ZNF600: variants seen among roughly 807,000 people sequenced by gnomAD.
The protein encoded by ZNF600 is zinc finger protein 600.
In ZNF600, 4 loss-of-function variants were observed where a neutral mutation model predicts 7.3. The ratio of observed to expected loss-of-function variants is 0.55; its 90% CI spans 0.27 to 1.25. ZNF600 has a LOEUF of 1.25. Ranked by LOEUF, ZNF600 falls within the 50% of genes most tolerant of loss-of-function variation. The probability of loss-of-function intolerance (pLI) is 0.12; values close to 1 mark genes in which losing one functional copy is unlikely to be tolerated. For missense variants in ZNF600, 911 were observed against 922.1 expected, an observed-to-expected ratio of 0.99 and a Z score of 0.16; for synonymous variants, 290 against 308.9, an observed-to-expected ratio of 0.94 and a Z score of 0.64.
Position 52,766,950 on chromosome 19 carries a change from G to C in ZNF600, c.1013C>G (p.Thr338Ser), listed in dbSNP as rs369321910. 27 of 1,613,926 alleles carry C rather than the reference G, an allele frequency of 1.7e-5. No individual in the cohort carries two copies. In the Middle Eastern group the frequency reaches 4.9e-4, roughly 30 times the overall value. Reference sequence around the variant, plus strand: ...ATTACACTTGTAAGGTTTTTCTCCAGTATGAATTGCCTTATGAATTACAAG... The same window carrying C: ...ATTACACTTGTAAGGTTTTTCTCCACTATGAATTGCCTTATGAATTACAAG... Residue 338 changes from threonine (T) to serine (S), a missense_variant, in exon 4 of 4, where the codon ACT becomes AGT. Thr to Ser is a moderately conservative substitution (Grantham distance 58). Transcript: ENST00000648973.
chr19:52,774,781 TA>T (rs1298487847), intron 2 of ZNF600, 80 bp from the exon 5 acceptor site: 5 of 985,202 alleles, frequency 5.1e-6, no homozygotes, highest in Non-Finnish European at 6.0e-6. Flanking sequence ...AAAGAGAAAA[TA>T]AGTATTTGAT....
intron 3 of ZNF600, among the ~76,000 whole-genome samples, chr19:52,772,307 T>TA (rs1373415658): frequency 6.6e-6 from 1 of 151,694 alleles, no homozygotes. Context: ...AAACTCCATT[T>TA]AAAAAACAAA....
the ZNF600 span, among the ~76,000 whole-genome samples, chr19:52,802,631 C>A: frequency 6.6e-6 from 1 of 150,782 alleles, no homozygotes; most frequent in Admixed American, 6.6e-5. Context: ...GAGTTGAGAT[C>A]GCACCACTGC....
chr19:52,810,380 T>C, the ZNF600 span: 1 of 1,605,008 alleles, frequency 6.2e-7, no homozygotes, highest in Non-Finnish European at 8.5e-7. Flanking sequence ...ATGGCTGTGG[T>C]TCAGTCAACC....
At chr19:52,821,272 A>G in the ZNF600 span, among the ~76,000 whole-genome samples, 7,692 of 152,154 alleles carry the variant, frequency 0.051, 238 homozygotes, top group African/African-American at 0.09. Flanking sequence ...ACAGGGTGGG[A>G]ATACACCTCT....
intron 3 of ZNF600, among the ~76,000 whole-genome samples, chr19:52,770,126 T>C (rs1600379222): frequency 6.6e-6 from 1 of 152,106 alleles, no homozygotes; most frequent in East Asian, 1.9e-4. Context: ...GTCAAGAAAA[T>C]ACACAGCATT....
exon 4 of ZNF600, chr19:52,764,632 C>G (rs1270003673): frequency 1.3e-5 from 2 of 151,814 alleles, no homozygotes; most frequent in East Asian, 3.9e-4. Context: ...ATTCTCCTGC[C>G]TCAGCCTCCC....
chr19:52,810,953 G>T, the ZNF600 span, among the ~76,000 whole-genome samples: 52 of 131,412 alleles, frequency 4.0e-4, no homozygotes, highest in Non-Finnish European at 7.7e-4. Flanking sequence ...AAAGCTGGAC[G>T]GTACTGCTGC....
At chr19:52,774,511 A>C (rs1426242434) in intron 3 of ZNF600, 64 bp downstream of exon 5, 1 of 984,702 alleles carries the variant, frequency 1.0e-6, no homozygotes, top group Non-Finnish European at 1.2e-6. Flanking sequence ...AGAACACAAA[A>C]CCAGGAAGGG....
the ZNF600 span, among the ~76,000 whole-genome samples, chr19:52,825,693 A>C: frequency 8.5e-5 from 13 of 152,158 alleles, no homozygotes; most frequent in African/African-American, 2.7e-4. Flanking sequence ...ACAACAACAA[A>C]AAAATCATTT....
chr19:52,802,046 A>G, the ZNF600 span, among the ~76,000 whole-genome samples: 1 of 152,198 alleles, frequency 6.6e-6, no homozygotes, highest in Non-Finnish European at 1.5e-5. Flanking sequence ...AAAAATATAT[A>G]TTCTTCATAT....
exon 4 of ZNF600, chr19:52,765,630 A>G (rs1385420204): frequency 6.2e-7 from 1 of 1,613,842 alleles, no homozygotes; most frequent in Non-Finnish European, 8.5e-7. Context: ...ATGGTGAATA[A>G]GTGTTGACTG....
the ZNF600 span, among the ~76,000 whole-genome samples, chr19:52,825,659 C>CAATACATACAAAACATACAATACA: frequency 6.6e-6 from 1 of 152,082 alleles, no homozygotes; most frequent in South Asian, 2.1e-4. Context: ...AGACACCGGT[C>CAATACATACAAAACATACAATACA]TCACAAAACA....
the ZNF600 span, chr19:52,800,949 T>C: frequency 3.7e-6 from 6 of 1,614,178 alleles, no homozygotes; most frequent in Middle Eastern, 1.6e-4. Flanking sequence ...TTCACATTCA[T>C]AAGGTTTGTC....
At chr19:52,791,934 G>C in the ZNF600 span, among the ~76,000 whole-genome samples, 3 of 152,200 alleles carry the variant, frequency 2.0e-5, no homozygotes, top group African/African-American at 7.2e-5. Flanking sequence ...CTCAGAAATG[G>C]AGGACTCAGA....
the ZNF600 span, among the ~76,000 whole-genome samples, chr19:52,833,527 A>C: frequency 2.6e-3 from 399 of 152,264 alleles, 3 homozygotes; most frequent in South Asian, 0.027. Context: ...GATTAATCCA[A>C]AGAGGAATAT....
chr19:52,819,991 G>A, the ZNF600 span, among the ~76,000 whole-genome samples: 99 of 145,458 alleles, frequency 6.8e-4, no homozygotes, highest in Admixed American at 1.3e-3. Flanking sequence ...GGAGGTGGAG[G>A]TGGGTGGATT....
the ZNF600 span, among the ~76,000 whole-genome samples, chr19:52,822,589 C>A: frequency 1.8e-4 from 27 of 152,082 alleles, 1 homozygote; most frequent in African/African-American, 5.8e-4. Flanking sequence ...TCTATGCAAC[C>A]CGTTAAGTAC....
At chr19:52,813,784 T>C in the ZNF600 span, among the ~76,000 whole-genome samples, 1 of 146,642 alleles carries the variant, frequency 6.8e-6, no homozygotes. Context: ...CCCTTCCCCA[T>C]GGGGAAATGC....
Sources: allele counts gnomAD v4.1 joint callset (sites outside exome capture counted in the v4.1 genomes callset), GRCh38; gene constraint gnomAD v4.1.1; transcripts MANE v1.5; gene names NCBI Gene and HGNC (gene_info 2026-07-23, HGNC 2026-07-21).